Variants in UNC79 observed in about 807,000 individuals in gnomAD.
UNC79 encodes the protein unc-79 subunit of NALCN channel complex, also known as protein unc-79 homolog.
UNC79 carries 37 observed loss-of-function variants against 283.1 expected under a neutral mutation model. The ratio of observed to expected loss-of-function variants is 0.13; its 90% CI spans 0.10 to 0.17. UNC79 has a LOEUF of 0.17. UNC79 is among the 10% of genes least tolerant of loss of function. The probability of loss-of-function intolerance (pLI) is 1.00; values close to 1 mark genes in which losing one functional copy is unlikely to be tolerated. For missense variants in UNC79, 2,272 were observed against 3,211.1 expected, an observed-to-expected ratio of 0.71 and a Z score of 7.07; for synonymous variants, 1,107 against 1,200.2, an observed-to-expected ratio of 0.92 and a Z score of 1.61.
At chr14:93,641,026 G>A (rs111876812) in intron 32 of UNC79, 119 bp from the exon 36 acceptor site, 17,575 of 731,438 alleles carry the variant, frequency 0.024, 288 homozygotes, top group Non-Finnish European at 0.031. Flanking sequence ...CAGTTGGGAT[G>A]TCCAAGTTGT....
intron 33 of UNC79, among the ~76,000 whole-genome samples, chr14:93,641,888 A>G (rs2069070879): frequency 2.0e-5 from 3 of 152,158 alleles, no homozygotes; most frequent in Admixed American, 1.3e-4. Flanking sequence ...TTCTCATGGC[A>G]GTGAATAAGT....
intron 23 of UNC79, among the ~76,000 whole-genome samples, chr14:93,596,007 G>A (rs1022528020): frequency 1.3e-5 from 2 of 152,164 alleles, no homozygotes; most frequent in African/African-American, 4.8e-5. Context: ...TGCTATGGGA[G>A]CAATAGAAAG....
At chr14:93,354,471 C>CTGG (rs1222399688) in intron 1 of UNC79, among the ~76,000 whole-genome samples, 3 of 152,150 alleles carry the variant, frequency 2.0e-5, no homozygotes, top group African/African-American at 7.2e-5. Context: ...CAAGAAAATT[C>CTGG]AAAATCTGAA....
chr14:93,663,166 TC>T (rs1391562709), intron 40 of UNC79, among the ~76,000 whole-genome samples: 2 of 152,198 alleles, frequency 1.3e-5, no homozygotes, highest in Non-Finnish European at 2.9e-5. Context: ...TGTCTGTCTC[TC>T]CAGGTCTGGG....
chr14:93,581,369 C>T (rs1474630945), intron 19 of UNC79, among the ~76,000 whole-genome samples: 1 of 149,360 alleles, frequency 6.7e-6, no homozygotes, highest in Non-Finnish European at 1.5e-5. Flanking sequence ...GATGAGGTCT[C>T]ACTATGTTGC....
At chr14:93,536,830 C>T (rs2061110169) in intron 11 of UNC79, among the ~76,000 whole-genome samples, 2 of 123,990 alleles carry the variant, frequency 1.6e-5, no homozygotes, top group Non-Finnish European at 3.2e-5. Flanking sequence ...AATGGTGTAC[C>T]ATATTAAATT....
chr14:93,398,982 T>TAATTGAC (rs2055051138), intron 1 of UNC79, among the ~76,000 whole-genome samples: 1 of 152,180 alleles, frequency 6.6e-6, no homozygotes, highest in South Asian at 2.1e-4. Flanking sequence ...AAAGGAGGTT[T>TAATTGAC]AATTGACTCA....
chr14:93,351,352 ATTTTT>A (rs1174599454), intron 1 of UNC79, among the ~76,000 whole-genome samples: 2 of 152,162 alleles, frequency 1.3e-5, no homozygotes, highest in Admixed American at 1.3e-4. Flanking sequence ...AAATGAACAC[ATTTTT>A]TGTTTTGGTG....
intron 41 of UNC79, among the ~76,000 whole-genome samples, chr14:93,674,983 C>T (rs1313484513): frequency 6.6e-6 from 1 of 152,202 alleles, no homozygotes. Context: ...TTGTGCACCT[C>T]TTTAATCTCT....
chr14:93,333,256 C>CTGGGAGTCGGGCGTCGGGTCGG (rs1437712621), exon 1 of UNC79: 7 of 402,266 alleles, frequency 1.7e-5, no homozygotes, highest in Non-Finnish European at 3.1e-5. Flanking sequence ...CGTCGGGTCG[C>CTGGGAGTCGGGCGTCGGGTCGG]TGGGAGTTTG....
At chr14:93,696,280 G>A (rs2140996038) in intron 47 of UNC79, among the ~76,000 whole-genome samples, 1 of 152,262 alleles carries the variant, frequency 6.6e-6, no homozygotes, top group East Asian at 1.9e-4. Context: ...GAGTCATGAA[G>A]ATGTCTTTGT....
chr14:93,564,562 C>T (rs1320439444), intron 14 of UNC79, among the ~76,000 whole-genome samples: 47 of 152,308 alleles, frequency 3.1e-4, no homozygotes, highest in Non-Finnish European at 1.5e-4. Flanking sequence ...ATCTGAGTCA[C>T]GGCACCGAAT....
In UNC79 at chr14:93,558,593, ATTTTTTTTTTTTTTTTTTTTTTTTTTTT is replaced by A. The variant is rs71129647; in HGVS notation, c.1756-13284_1756-13257del. Among the ~76,000 whole-genome samples the A allele has an allele frequency of 9.2e-3, 579 of 62,790 alleles. 6 individuals carry two copies. Among genetic ancestry groups the A allele is most frequent in the Admixed American group, 0.013 (50 of 3,754 alleles). 41.2% of individuals were successfully genotyped at this position (62,790 alleles called of 152,430 possible). On this transcript the variant is annotated intron_variant, in intron 14 of 48. Coordinates refer to ENST00000555664, the Ensembl canonical transcript of UNC79. ...AATCTTGTAGAGGAGAGAAACAGGG[ATTTTTTTTTTTTTTTTTTTTTTTTTTTT>A]TTTTTTTTTTTTTTTTACCATTTAC... is the stretch of plus-strand genomic sequence containing the variant.
At chr14:93,398,187 G>A (rs1447076325) in intron 1 of UNC79, among the ~76,000 whole-genome samples, 1 of 152,158 alleles carries the variant, frequency 6.6e-6, no homozygotes, top group Non-Finnish European at 1.5e-5. Flanking sequence ...GTATATTGAA[G>A]CATAAGAGTT....
intron 9 of UNC79, 48 bp from the exon 10 acceptor site, chr14:93,529,238 G>A (rs977026249): frequency 6.2e-6 from 10 of 1,603,082 alleles, no homozygotes; most frequent in African/African-American, 2.7e-5. Flanking sequence ...CATGTGGAAG[G>A]AGAACATTTC....
chr14:93,462,072 C>G (rs1309514773), intron 1 of UNC79, among the ~76,000 whole-genome samples: 1 of 152,000 alleles, frequency 6.6e-6, no homozygotes, highest in Non-Finnish European at 1.5e-5. Flanking sequence ...TTTGGGAGGC[C>G]GAGGCGGTCA....
chr14:93,571,175 TTG>T (rs1416726158), intron 14 of UNC79, among the ~76,000 whole-genome samples: 15 of 152,208 alleles, frequency 9.9e-5, no homozygotes, highest in Admixed American at 9.8e-4. Context: ...CTCACACATC[TTG>T]TGTTATTTAG....
chr14:93,468,118 G>A (rs902963472), intron 2 of UNC79, among the ~76,000 whole-genome samples: 2 of 152,046 alleles, frequency 1.3e-5, no homozygotes, highest in African/African-American at 2.4e-5. Flanking sequence ...ATTAATAATT[G>A]GAAACACTTT....
At chr14:93,414,884 T>C (rs1287884964) in intron 1 of UNC79, among the ~76,000 whole-genome samples, 1 of 152,206 alleles carries the variant, frequency 6.6e-6, no homozygotes, top group African/African-American at 2.4e-5. Flanking sequence ...TCCTGAGACT[T>C]TGCTGAAGTT....
Sources: gnomAD v4.1 joint callset for allele counts (sites outside exome capture counted in the v4.1 genomes callset) on GRCh38, gnomAD v4.1.1 for gene constraint, MANE v1.5 for transcripts, NCBI Gene and HGNC (gene_info 2026-07-23, HGNC 2026-07-21) for gene names.